The following FSTL4 variants were observed in gnomAD, a reference collection of about 807,000 sequenced individuals.
FSTL4 encodes follistatin-related protein 4.
In FSTL4, 28 loss-of-function variants were observed where a neutral mutation model predicts 78.2. The ratio of observed to expected loss-of-function variants is 0.36; its 90% CI spans 0.27 to 0.49. The LOEUF (loss-of-function observed/expected upper bound fraction) is 0.49. Among genes scored for constraint, FSTL4 ranks in the 20% least tolerant of loss-of-function variants. The pLI, the probability that FSTL4 is intolerant of heterozygous loss-of-function variation, is 0.98. For missense variants in FSTL4, 922 were observed against 1,084.9 expected, an observed-to-expected ratio of 0.85 and a Z score of 2.11; for synonymous variants, 422 against 440.5, an observed-to-expected ratio of 0.96 and a Z score of 0.53.
At chr5:133,792,061 A>T in the FSTL4 span, among the ~76,000 whole-genome samples, 1 of 152,348 alleles carries the variant, frequency 6.6e-6, no homozygotes, top group East Asian at 1.9e-4. Context: ...TGGCCCCTTG[A>T]GACAAGAGTG....
the FSTL4 span, among the ~76,000 whole-genome samples, chr5:133,770,828 T>C: frequency 6.6e-6 from 1 of 152,128 alleles, no homozygotes; most frequent in South Asian, 2.1e-4. Context: ...GAGTTTTTCA[T>C]AGGTTTTCTT....
chr5:133,777,668 A>G, the FSTL4 span, among the ~76,000 whole-genome samples: 1 of 152,322 alleles, frequency 6.6e-6, no homozygotes, highest in Admixed American at 6.5e-5. Flanking sequence ...TACACAAATT[A>G]TTCTGCAACC....
the FSTL4 span, among the ~76,000 whole-genome samples, chr5:133,815,088 C>T: frequency 3.3e-5 from 5 of 152,118 alleles, no homozygotes; most frequent in African/African-American, 1.2e-4. Context: ...GGGTTGAAAA[C>T]CACCACTCTA....
the FSTL4 span, among the ~76,000 whole-genome samples, chr5:133,820,094 C>T: frequency 2.6e-5 from 4 of 152,140 alleles, no homozygotes; most frequent in Non-Finnish European, 4.4e-5. Flanking sequence ...TGCAGTGCCT[C>T]GTGTCAGCAG....
Position 133,497,067 on chromosome 5 carries a change from T to C in FSTL4, c.160+70119A>G, listed in dbSNP as rs182983352. ...CTTCATGGGTGCCGTGCTATAAACA[T>C]ACTTATACTGACAAAGAAACCAGAA... is the stretch of plus-strand genomic sequence containing the variant. On this transcript the variant is annotated intron_variant, in intron 3 of 15. Coordinates refer to ENST00000265342, the MANE Select transcript of FSTL4 (RefSeq NM_015082.2). Among the ~76,000 whole-genome samples the C allele has an allele frequency of 2.0e-5, 3 of 152,310 alleles. No homozygotes were observed. In the East Asian group the frequency reaches 5.8e-4, roughly 29 times the overall value.
the FSTL4 span, among the ~76,000 whole-genome samples, chr5:133,810,268 C>A: frequency 6.6e-6 from 1 of 152,244 alleles, no homozygotes; most frequent in African/African-American, 2.4e-5. Context: ...AACTTCCAGG[C>A]TATCAGAATC....
the FSTL4 span, among the ~76,000 whole-genome samples, chr5:133,683,665 C>T: frequency 1.3e-5 from 2 of 152,152 alleles, no homozygotes; most frequent in Non-Finnish European, 2.9e-5. Flanking sequence ...TTCCTTTTTC[C>T]CCCTCTCTTC....
Position 133,220,793 on chromosome 5 carries a change from C to T in FSTL4, c.1413G>A (p.Glu471=). ...GIIVIHPVDC[E]IQRHLKPTEK... is the part of the protein sequence containing the mutation. Reference sequence around the variant, plus strand: ...CCGTGGGTTTGAGGTGCCTCTGGATCTCACAGTCCACAGGATGGATGACGA... The same window carrying T: ...CCGTGGGTTTGAGGTGCCTCTGGATTTCACAGTCCACAGGATGGATGACGA... The change falls in exon 12 of 16, where the codon GAG becomes GAA. Residue 471 remains glutamate (E), a synonymous_variant. Coordinates refer to ENST00000265342, the MANE Select transcript of FSTL4 (RefSeq NM_015082.2). 6.2e-7 allele frequency: 1 copy of T among 1,611,354 alleles called. No individual in the cohort carries two copies. Among genetic ancestry groups the T allele is most frequent in the Non-Finnish European group, 8.5e-7 (1 of 1,177,430 alleles).
chr5:133,840,124 G>A, the FSTL4 span, among the ~76,000 whole-genome samples: 1 of 152,196 alleles, frequency 6.6e-6, no homozygotes, highest in African/African-American at 2.4e-5. Flanking sequence ...CTCATTACAG[G>A]CATTGCTGCC....
chr5:133,437,347 T>G (rs1470944005), intron 3 of FSTL4, among the ~76,000 whole-genome samples: 1 of 152,190 alleles, frequency 6.6e-6, no homozygotes, highest in Non-Finnish European at 1.5e-5. Context: ...CCTTTGGGCA[T>G]GGTTGAGGTA....
intron 3 of FSTL4, among the ~76,000 whole-genome samples, chr5:133,541,621 C>G (rs1448250357): frequency 4.6e-5 from 7 of 152,128 alleles, no homozygotes; most frequent in Admixed American, 1.3e-4. Flanking sequence ...ATACAATATG[C>G]CACAAATCCA....
chr5:133,270,253 T>C (rs533179057), intron 6 of FSTL4: 1 of 152,332 alleles, frequency 6.6e-6, no homozygotes, highest in East Asian at 1.9e-4. Flanking sequence ...AATCACCGTG[T>C]TGTCATTTTT....
intron 1 of FSTL4, among the ~76,000 whole-genome samples, chr5:133,607,233 A>G (rs1760996631): frequency 6.6e-6 from 1 of 152,230 alleles, no homozygotes; most frequent in Non-Finnish European, 1.5e-5. Context: ...AATTCATTAT[A>G]TCTACAGCAC....
At chr5:133,565,708 C>A (rs1176719625) in intron 3 of FSTL4, among the ~76,000 whole-genome samples, 1 of 152,154 alleles carries the variant, frequency 6.6e-6, no homozygotes, top group Non-Finnish European at 1.5e-5. Flanking sequence ...TCACTCAGAC[C>A]TTTTTCATGC....
the FSTL4 span, among the ~76,000 whole-genome samples, chr5:133,822,270 T>G: frequency 1.3e-5 from 2 of 152,218 alleles, no homozygotes; most frequent in Non-Finnish European, 2.9e-5. Flanking sequence ...TTTTAGGGGC[T>G]TGGAGATGCT....
intron 6 of FSTL4, among the ~76,000 whole-genome samples, chr5:133,306,340 G>A (rs981827908): frequency 1.3e-5 from 2 of 152,182 alleles, no homozygotes; most frequent in Non-Finnish European, 2.9e-5. Context: ...GGCTGCCGGA[G>A]GTAAAGGTAA....
the FSTL4 span, among the ~76,000 whole-genome samples, chr5:133,823,553 G>T: frequency 6.6e-6 from 1 of 152,204 alleles, no homozygotes; most frequent in African/African-American, 2.4e-5. Flanking sequence ...CAAACACCCA[G>T]CAGGTCTGAG....
At chr5:133,485,841 A>G (rs1758121638) in intron 3 of FSTL4, among the ~76,000 whole-genome samples, 1 of 152,232 alleles carries the variant, frequency 6.6e-6, no homozygotes, top group Non-Finnish European at 1.5e-5. Context: ...GTACATGGAC[A>G]TGTTTTGTTC....
At chr5:133,417,841 C>T (rs975469843) in intron 3 of FSTL4, among the ~76,000 whole-genome samples, 1 of 151,658 alleles carries the variant, frequency 6.6e-6, no homozygotes, top group African/African-American at 2.4e-5. Context: ...CAACTGTAAT[C>T]CCAGCTACTA....
Sources: gnomAD v4.1 joint callset for allele counts (sites outside exome capture counted in the v4.1 genomes callset) on GRCh38, gnomAD v4.1.1 for gene constraint, MANE v1.5 for transcripts, NCBI Gene and HGNC (gene_info 2026-07-23, HGNC 2026-07-21) for gene names.